FAM169A: variants seen among roughly 807,000 people sequenced by gnomAD.
FAM169A encodes the protein family with sequence similarity 169 member A.
In FAM169A, 24 loss-of-function variants were observed where a neutral mutation model predicts 75.7. The ratio of observed to expected loss-of-function variants is 0.32; its 90% CI spans 0.23 to 0.45. The LOEUF is 0.45. Ranked by LOEUF, FAM169A falls within the 20% of genes least tolerant of loss-of-function variation. The pLI, the probability that FAM169A is intolerant of heterozygous loss-of-function variation, is 1.00. For synonymous variants in FAM169A, 271 were observed against 271.0 expected (o/e 1.00, Z 0.00); for missense variants, 673 against 784.0 (o/e 0.86, Z 1.69).
rs1305989508 is a variant in FAM169A, at chr5:74,781,406, AAAAC to A, written c.*50_*53del. On this transcript the variant is annotated 3_prime_UTR_variant, in exon 13 of 13. Transcript: ENST00000687041. ...GCTGTTTATTAATTACCATATTTTAAAAACAACAACTATGTTACAAAGAAGAGGA... is the reference window on the plus strand; with the variant it reads ...GCTGTTTATTAATTACCATATTTTAAAACAACTATGTTACAAAGAAGAGGA... 5 of 1,524,816 alleles carry A rather than the reference AAAAC, an allele frequency of 3.3e-6. No homozygotes were observed. Among genetic ancestry groups the A allele is most frequent in the Non-Finnish European group, 4.4e-6 (5 of 1,124,298 alleles). 94.5% of individuals were successfully genotyped at this position (1,524,816 alleles called of 1,614,324 possible).
At position 74,854,469 on chromosome 5, in the gene FAM169A, A is replaced by G. The variant is rs182727426; in HGVS notation, c.-4+11696T>C. Among the ~76,000 whole-genome samples, 606 of 152,224 alleles carry G rather than the reference A, an allele frequency of 4.0e-3. 2 individuals are homozygous for G. Among genetic ancestry groups the G allele is most frequent in the African/African-American group, 0.014 (584 of 41,542 alleles). On this transcript the variant is annotated intron_variant, in intron 1 of 12. Coordinates refer to ENST00000687041, the MANE Select transcript of FAM169A (RefSeq NM_001376049.1). Reference sequence around the variant, plus strand: ...TATCCTTTGTGTTACAAACAACCCAATCACACTTTGTTATTTTTAAATGTA... The same window carrying G: ...TATCCTTTGTGTTACAAACAACCCAGTCACACTTTGTTATTTTTAAATGTA...
At chr5:74,839,156 G>A in intron 3 of FAM169A, 106 bp from the exon 4 acceptor site, 1 of 789,288 alleles carries the variant, frequency 1.3e-6, no homozygotes, top group South Asian at 1.5e-5. Flanking sequence ...ATATTTAAGA[G>A]TATCTATATA....
chr5:74,806,936 A>C (rs1229998342), intron 6 of FAM169A, among the ~76,000 whole-genome samples: 1 of 152,090 alleles, frequency 6.6e-6, no homozygotes, highest in Non-Finnish European at 1.5e-5. Flanking sequence ...CCAAGGAAAG[A>C]TAAGATATGA....
intron 11 of FAM169A, among the ~76,000 whole-genome samples, chr5:74,786,969 G>A (rs113159746): frequency 0.018 from 2,674 of 152,160 alleles, 71 homozygotes; most frequent in African/African-American, 0.057. Context: ...AAACAGCTTC[G>A]CCATCCCCAG....
At chr5:74,788,474 G>A (rs11955669) in intron 11 of FAM169A, among the ~76,000 whole-genome samples, 3,680 of 152,278 alleles carry the variant, frequency 0.024, 157 homozygotes, top group African/African-American at 0.084. Flanking sequence ...GGGAGGCCAA[G>A]GCGGGCGTAT....
At chr5:74,797,636 A>G (rs1746348181) in intron 10 of FAM169A, among the ~76,000 whole-genome samples, 1 of 152,246 alleles carries the variant, frequency 6.6e-6, no homozygotes, top group African/African-American at 2.4e-5. Flanking sequence ...AAATTAAATG[A>G]AACAATTGAG....
At chr5:74,848,541 A>G (rs1373412205) in intron 1 of FAM169A, 3 of 152,216 alleles carry the variant, frequency 2.0e-5, no homozygotes, top group Non-Finnish European at 4.4e-5. Context: ...ATATTACACG[A>G]GAAAGAGCAC....
intron 5 of FAM169A, among the ~76,000 whole-genome samples, chr5:74,831,761 G>A (rs1056487901): frequency 6.6e-6 from 1 of 152,056 alleles, no homozygotes; most frequent in Non-Finnish European, 1.5e-5. Flanking sequence ...GAGGAGTGTG[G>A]TATACGTCAA....
intron 4 of FAM169A, among the ~76,000 whole-genome samples, chr5:74,835,717 A>C (rs951584629): frequency 6.6e-6 from 1 of 152,148 alleles, no homozygotes; most frequent in Non-Finnish European, 1.5e-5. Context: ...GACCATATAC[A>C]TATACTACTC....
intron 11 of FAM169A, among the ~76,000 whole-genome samples, chr5:74,795,799 G>A (rs1203593934): frequency 1.3e-5 from 2 of 151,948 alleles, no homozygotes; most frequent in African/African-American, 2.4e-5. Flanking sequence ...TTTTATCTTC[G>A]ATATAATTCA....
chr5:74,827,900 G>A (rs571009597), intron 5 of FAM169A, among the ~76,000 whole-genome samples: 20 of 151,676 alleles, frequency 1.3e-4, no homozygotes, highest in Admixed American at 9.9e-4. Flanking sequence ...TCCTGACCTC[G>A]GGTGATCTGC....
chr5:74,818,795 C>CTATA (rs1202952608), intron 5 of FAM169A, among the ~76,000 whole-genome samples: 75 of 139,938 alleles, frequency 5.4e-4, no homozygotes, highest in Non-Finnish European at 1.0e-3. Flanking sequence ...CTCTCTCTCT[C>CTATA]TCTCTCTCTA....
chr5:74,810,982 T>TA (rs1385137705), intron 6 of FAM169A, among the ~76,000 whole-genome samples: 1 of 146,274 alleles, frequency 6.8e-6, no homozygotes, highest in Admixed American at 6.8e-5. Context: ...GGATTTTTTT[T>TA]TTTTTTTTTT....
upstream of FAM169A, chr5:74,866,665 G>C: frequency 2.3e-6 from 2 of 868,498 alleles, no homozygotes; most frequent in Non-Finnish European, 1.4e-6. Flanking sequence ...TGGTATTAAA[G>C]AGTGACCTTG....
chr5:74,840,308 C>G, intron 2 of FAM169A, 135 bp from the exon 3 acceptor site: 1 of 449,534 alleles, frequency 2.2e-6, no homozygotes, highest in African/African-American at 2.0e-5. Flanking sequence ...TATTTCTAGT[C>G]TCTAAAAAAA....
In FAM169A at chr5:74,781,878, G is replaced by A. The variant is rs200581593; in HGVS notation, c.1595C>T (p.Thr532Ile). ...AHLGSSDNVATMSNEERSDGG... is the reference protein window; with the variant it reads ...AHLGSSDNVAIMSNEERSDGG... ...ATCAGATCGTTCTTCATTTGACATAGTAGCAACATTGTCTGAACTCCCAAG... is the reference window on the plus strand; with the variant it reads ...ATCAGATCGTTCTTCATTTGACATAATAGCAACATTGTCTGAACTCCCAAG... Residue 532 changes from threonine (T) to isoleucine (I), a missense_variant, in exon 13 of 13, where the codon ACT (threonine) becomes ATT (isoleucine). Transcript: ENST00000687041. 1.2e-4 allele frequency: 191 copies of A among 1,614,074 alleles called. No individual in the cohort carries two copies. In the African/African-American group the frequency reaches 2.3e-3, roughly 19 times the overall value.
chr5:74,840,790 A>C (rs993956169), intron 2 of FAM169A, among the ~76,000 whole-genome samples: 5 of 151,704 alleles, frequency 3.3e-5, no homozygotes, highest in South Asian at 4.2e-4. Context: ...GATCGTGCCA[A>C]TGCACTCCAA....
chr5:74,798,230 C>A (rs1407769436), intron 10 of FAM169A, among the ~76,000 whole-genome samples: 2 of 152,194 alleles, frequency 1.3e-5, no homozygotes, highest in Non-Finnish European at 1.5e-5. Context: ...TCTCTCTTTA[C>A]CCCTAGGCAG....
At chr5:74,858,178 G>T (rs1488889084) in intron 1 of FAM169A, among the ~76,000 whole-genome samples, 1 of 151,734 alleles carries the variant, frequency 6.6e-6, no homozygotes, top group Admixed American at 6.6e-5. Context: ...ACGAGATCAG[G>T]AGTTTGAGAC....
Sources: allele counts gnomAD v4.1 joint callset (sites outside exome capture counted in the v4.1 genomes callset), GRCh38; gene constraint gnomAD v4.1.1; transcripts MANE v1.5; gene names NCBI Gene and HGNC (gene_info 2026-07-23, HGNC 2026-07-21).